PDZRN4: variants seen among roughly 807,000 people sequenced by gnomAD.
PDZRN4 encodes the protein PDZ domain containing ring finger 4.
Under a neutral mutation model 99.0 loss-of-function variants are expected in PDZRN4, and 70 were observed. That is an observed-to-expected ratio of 0.71 (90% confidence interval 0.58 to 0.86). PDZRN4 has a LOEUF of 0.86. PDZRN4 is among the 40% of genes least tolerant of loss of function. PDZRN4 has a pLI of 0.00. For missense variants in PDZRN4, 1,474 were observed against 1,331.2 expected (o/e 1.11, Z -1.67); for synonymous variants, 551 against 501.6 (o/e 1.10, Z -1.32).
intron 5 of PDZRN4, among the ~76,000 whole-genome samples, chr12:41,527,252 T>A (rs752729495): frequency 2.0e-5 from 3 of 152,042 alleles, no homozygotes; most frequent in Non-Finnish European, 4.4e-5. Flanking sequence ...TGCAAATAGG[T>A]CAGTCTAACA....
chr12:41,447,506 G>C (rs181602262), intron 3 of PDZRN4, among the ~76,000 whole-genome samples: 5 of 152,220 alleles, frequency 3.3e-5, no homozygotes, highest in Admixed American at 1.3e-4. Flanking sequence ...TTGAGCCTCT[G>C]TTTAATTGAT....
At chr12:41,489,764 C>T (rs546266399) in intron 3 of PDZRN4, among the ~76,000 whole-genome samples, 1 of 151,638 alleles carries the variant, frequency 6.6e-6, no homozygotes, top group South Asian at 2.1e-4. Flanking sequence ...AATGTTGACA[C>T]CAATTAGCCA....
At chr12:41,554,326 T>C (rs929209222) in intron 6 of PDZRN4, among the ~76,000 whole-genome samples, 5 of 152,160 alleles carry the variant, frequency 3.3e-5, no homozygotes, top group Non-Finnish European at 7.4e-5. Context: ...TAAGTCTCTA[T>C]TTACTATTTA....
At chr12:41,537,821 G>A (rs1565609094) in intron 5 of PDZRN4, among the ~76,000 whole-genome samples, 1 of 152,136 alleles carries the variant, frequency 6.6e-6, no homozygotes, top group Admixed American at 6.5e-5. Context: ...CTGGATGACT[G>A]GCAAAATGAT....
chr12:41,219,067 G>GTAAAAA, intron 3 of PDZRN4, among the ~76,000 whole-genome samples: 1 of 151,082 alleles, frequency 6.6e-6, no homozygotes, highest in Non-Finnish European at 1.5e-5. Flanking sequence ...AGACTTAAGA[G>GTAAAAA]TAAAAATAAA....
At chr12:41,210,179 C>G (rs1950878876) in intron 3 of PDZRN4, among the ~76,000 whole-genome samples, 4 of 126,158 alleles carry the variant, frequency 3.2e-5, no homozygotes. Context: ...CCTTCACCCA[C>G]TTTTTGATGG....
At chr12:41,303,371 T>C (rs1951549875) in intron 3 of PDZRN4, among the ~76,000 whole-genome samples, 2 of 152,322 alleles carry the variant, frequency 1.3e-5, no homozygotes, top group African/African-American at 2.4e-5. Context: ...ATCACAGTTA[T>C]GTATGATCTC....
intron 3 of PDZRN4, among the ~76,000 whole-genome samples, chr12:41,489,966 T>C (rs1191178803): frequency 6.6e-6 from 1 of 152,140 alleles, no homozygotes; most frequent in Admixed American, 6.6e-5. Flanking sequence ...TTAACAACCA[T>C]TTCCTATATA....
intron 8 of PDZRN4, among the ~76,000 whole-genome samples, chr12:41,565,508 C>T (rs1259769418): frequency 7.7e-6 from 1 of 130,354 alleles, no homozygotes; most frequent in Non-Finnish European, 1.5e-5. Context: ...CAATTTATCT[C>T]ATTGTTGTAT....
At chr12:41,555,050 TACAAAAA>T (rs1352843246) in intron 6 of PDZRN4, among the ~76,000 whole-genome samples, 7 of 26,736 alleles carry the variant, frequency 2.6e-4, no homozygotes, top group Non-Finnish European at 3.5e-4. Flanking sequence ...CTACTAAAAA[TACAAAAA>T]AAAAAAAAAA....
chr12:41,512,122 C>T (rs1171375550), intron 5 of PDZRN4, among the ~76,000 whole-genome samples: 2 of 152,062 alleles, frequency 1.3e-5, no homozygotes, highest in African/African-American at 2.4e-5. Context: ...AACATGAGCA[C>T]AACCAGGCAA....
chr12:41,429,421 C>T (rs981695575), intron 3 of PDZRN4, among the ~76,000 whole-genome samples: 16 of 152,152 alleles, frequency 1.1e-4, no homozygotes, highest in African/African-American at 3.9e-4. Flanking sequence ...TTTATGTAGC[C>T]ATGCTTGAGG....
At chr12:41,192,983 A>G (rs1950745122) in intron 2 of PDZRN4, among the ~76,000 whole-genome samples, 1 of 152,222 alleles carries the variant, frequency 6.6e-6, no homozygotes, top group South Asian at 2.1e-4. Context: ...ACTGCCATGA[A>G]ATTTTTGCAT....
chr12:41,207,953 C>CAA (rs11463346), intron 3 of PDZRN4, among the ~76,000 whole-genome samples: 4,013 of 147,206 alleles, frequency 0.027, 62 homozygotes, highest in Non-Finnish European at 0.044. Flanking sequence ...TTACAGTTTA[C>CAA]AAAAAAAAAA....
intron 3 of PDZRN4, among the ~76,000 whole-genome samples, chr12:41,343,778 G>A (rs1186232252): frequency 6.6e-6 from 1 of 151,838 alleles, no homozygotes; most frequent in Non-Finnish European, 1.5e-5. Context: ...ACAAGGTGAT[G>A]AGTATGTTAA....
Position 41,318,530 on chromosome 12 carries a change from T to C in PDZRN4, c.843+124342T>C, listed in dbSNP as rs181814228. On this transcript the variant is annotated intron_variant, in intron 3 of 9. Coordinates refer to ENST00000402685, the MANE Select transcript of PDZRN4 (RefSeq NM_001164595.2). ...TCACTGAGCTTCTGCATATGCCAGG[T>C]CCTTGTGGTAAGTCAACATGGTGAG... Among the ~76,000 whole-genome samples the C allele has an allele frequency of 9.6e-3, 1,465 of 152,318 alleles. 65 individuals are homozygous for C. Among genetic ancestry groups the C allele is most frequent in the Admixed American group, 0.088 (1,344 of 15,290 alleles).
chr12:41,206,709 T>C (rs1950853583), intron 3 of PDZRN4, among the ~76,000 whole-genome samples: 1 of 151,860 alleles, frequency 6.6e-6, no homozygotes, highest in African/African-American at 2.4e-5. Flanking sequence ...TCTGTGCTGA[T>C]ATATATGAGG....
At position 41,434,616 on chromosome 12, in the gene PDZRN4, T is replaced by TTATA. The variant is rs202018480; in HGVS notation, c.844-71839_844-71836dup. On this transcript the variant is annotated intron_variant, in intron 3 of 9. Coordinates refer to ENST00000402685, the MANE Select transcript of PDZRN4 (RefSeq NM_001164595.2). ...TCCTTTCACTTGCCAGTTTAGCCTC[T>TTATA]TATACGTCAGTCTAGATCTTGACAA... Among the ~76,000 whole-genome samples the TTATA allele has an allele frequency of 5.9e-5, 9 of 152,318 alleles. No individual in the cohort carries two copies. The East Asian group carries it at 1.7e-3, about 29-fold the overall frequency.
chr12:41,480,272 GC>G (rs1937652099), intron 3 of PDZRN4, among the ~76,000 whole-genome samples: 1 of 152,064 alleles, frequency 6.6e-6, no homozygotes. Context: ...CACAATACAT[GC>G]AAATCTCACA....
Sources: allele counts gnomAD v4.1 joint callset (sites outside exome capture counted in the v4.1 genomes callset), GRCh38; gene constraint gnomAD v4.1.1; transcripts MANE v1.5; gene names NCBI Gene and HGNC (gene_info 2026-07-23, HGNC 2026-07-21).